The following SNED1 variants were observed in gnomAD, a reference collection of about 807,000 sequenced individuals.
SNED1 encodes sushi, nidogen and EGF like domains 1, also known as sushi, nidogen and EGF-like domain-containing protein 1.
SNED1 carries 81 observed loss-of-function variants against 166.7 expected under a neutral mutation model. The observed-to-expected ratio is 0.49, with a 90% CI of 0.41 to 0.58. The LOEUF is 0.58. Among genes scored for constraint, SNED1 ranks in the 20% least tolerant of loss-of-function variants. SNED1 has a pLI of 0.00. For synonymous variants in SNED1, 762 were observed against 822.0 expected (o/e 0.93, Z 1.25); for missense variants, 1,604 against 2,000.2 (o/e 0.80, Z 3.78).
At chr2:241,060,426 A>G (rs1449754856) in intron 16 of SNED1, among the ~76,000 whole-genome samples, 2 of 152,102 alleles carry the variant, frequency 1.3e-5, no homozygotes, top group Admixed American at 1.3e-4. Context: ...CTGGTGATCC[A>G]CCCGCCTTGG....
At chr2:241,061,890 G>T (rs1460754981) in intron 16 of SNED1, among the ~76,000 whole-genome samples, 2 of 151,548 alleles carry the variant, frequency 1.3e-5, no homozygotes, top group African/African-American at 4.8e-5. Flanking sequence ...ACAAAAAAAG[G>T]AAAAAGTCTA....
chr2:241,055,211 G>C (rs2062008319), intron 16 of SNED1, among the ~76,000 whole-genome samples: 1 of 152,172 alleles, frequency 6.6e-6, no homozygotes, highest in Non-Finnish European at 1.5e-5. Context: ...AAATGAAAAT[G>C]TAAAGGATAA....
At chr2:241,059,903 A>G (rs1166844622) in intron 16 of SNED1, among the ~76,000 whole-genome samples, 1 of 152,220 alleles carries the variant, frequency 6.6e-6, no homozygotes, top group African/African-American at 2.4e-5. Flanking sequence ...GGCCCTAGAC[A>G]GTGCCAGATG....
chr2:241,068,046 C>A lies in SNED1; in HGVS notation c.3194+99C>A. 9.0e-7 allele frequency: 1 copy of A among 1,113,150 alleles called. No individual in the cohort carries two copies. The highest frequency in any genetic ancestry group is 1.3e-6 in the Non-Finnish European group (1 of 792,274). 69.0% of individuals were successfully genotyped at this position (1,113,150 alleles called of 1,614,324 possible). A position where few individuals can be genotyped will look rare whatever the true frequency, so the allele number is the denominator to read the frequency against. Reference sequence around the variant, plus strand: ...CTCGGGCACATTCTCCGTGTGTGGACTGTACCACCTGCCGCTCCTCACCTG... The same window carrying A: ...CTCGGGCACATTCTCCGTGTGTGGAATGTACCACCTGCCGCTCCTCACCTG... On this transcript the variant is annotated intron_variant, in intron 22 of 31. Transcript: ENST00000310397. The surrounding 1 kb of genome is among the most constrained non-coding windows in gnomAD (Gnocchi z 5.3).
chr2:241,046,872 T>C (rs13412304), intron 8 of SNED1, among the ~76,000 whole-genome samples: 12,686 of 152,170 alleles, frequency 0.083, 1,279 homozygotes, highest in East Asian at 0.26. Flanking sequence ...GTAGCTGGCG[T>C]GGTGGCTCAC....
At chr2:241,060,807 T>G (rs903031022) in intron 16 of SNED1, among the ~76,000 whole-genome samples, 4 of 152,052 alleles carry the variant, frequency 2.6e-5, no homozygotes, top group Admixed American at 2.6e-4. Flanking sequence ...GGCATGCACC[T>G]GTAGTCCCAG....
chr2:241,019,260 T>C (rs1176049312), intron 1 of SNED1, among the ~76,000 whole-genome samples: 1 of 152,052 alleles, frequency 6.6e-6, no homozygotes, highest in African/African-American at 2.4e-5. Flanking sequence ...AGGAGGCTGA[T>C]CTAGAGCTTG....
At chr2:241,050,728 TC>T (rs1290369431) in intron 12 of SNED1, among the ~76,000 whole-genome samples, 3 of 152,094 alleles carry the variant, frequency 2.0e-5, no homozygotes, top group African/African-American at 7.2e-5. Flanking sequence ...CTCAACACAC[TC>T]CTAGGACCAC....
chr2:241,089,116 C>T (rs1272199587), intron 31 of SNED1: 10 of 542,266 alleles, frequency 1.8e-5, no homozygotes, highest in East Asian at 3.4e-5. Context: ...TGGCATTCTT[C>T]ACAATCGTTT....
intron 1 of SNED1, among the ~76,000 whole-genome samples, chr2:241,001,761 C>T (rs1337068755): frequency 6.6e-6 from 1 of 152,182 alleles, no homozygotes; most frequent in Non-Finnish European, 1.5e-5. Context: ...CAAGCACTGC[C>T]CCCATCCACA....
Position 241,018,006 on chromosome 2 carries a change from AC to A in SNED1, c.214-12273del, listed in dbSNP as rs368998490. Among the ~76,000 whole-genome samples the A allele has an allele frequency of 8.8e-3, 1,332 of 151,526 alleles. 20 individuals carry two copies. The highest frequency in any genetic ancestry group is 0.03 in the African/African-American group (1,250 of 41,268). ...GAATTGAAAGTCTCATGTCCCGGGG[AC>A]CCCCTCAGTTCCAGGCAAACCAAGG... is the stretch of plus-strand genomic sequence containing the variant. On this transcript the variant is annotated intron_variant, in intron 1 of 31. Transcript: ENST00000310397. The surrounding 1 kb of genome is among the most constrained non-coding windows in gnomAD (Gnocchi z 5.4).
At chr2:241,060,943 C>CA (rs962911960) in intron 16 of SNED1, among the ~76,000 whole-genome samples, 9 of 151,320 alleles carry the variant, frequency 5.9e-5, no homozygotes, top group Admixed American at 3.3e-4. Context: ...AAAAAACAAC[C>CA]AAAAAAAACT....
At chr2:241,065,651 G>A (rs552603596) in intron 21 of SNED1, 56 bp downstream of exon 21, 153 of 1,476,744 alleles carry the variant, frequency 1.0e-4, no homozygotes, top group Middle Eastern at 4.7e-4. Context: ...CGAGGGCAGC[G>A]CTGGCCCCGG....
At chr2:241,071,381 C>T (rs370985327) in intron 24 of SNED1, 195 bp from the exon 25 acceptor site, 28 of 627,896 alleles carry the variant, frequency 4.5e-5, no homozygotes, top group South Asian at 3.7e-5. Flanking sequence ...AGAAGGGATG[C>T]GGCGGGTGGG....
At chr2:241,025,775 C>T (rs537966759) in intron 1 of SNED1, among the ~76,000 whole-genome samples, 60 of 152,146 alleles carry the variant, frequency 3.9e-4, no homozygotes, top group African/African-American at 1.3e-3. Flanking sequence ...TCTTTTAGCA[C>T]GTTGAAAATA....
intron 31 of SNED1, chr2:241,090,473 G>A (rs1201468519): frequency 2.0e-6 from 3 of 1,518,346 alleles, no homozygotes; most frequent in South Asian, 1.2e-5. Flanking sequence ...GAAGAGTATA[G>A]TAAATACGTA....
At chr2:241,089,869 C>T (rs1331597377) in intron 31 of SNED1, 1 of 1,469,426 alleles carries the variant, frequency 6.8e-7, no homozygotes, top group Non-Finnish European at 9.0e-7. Context: ...CTACACACCA[C>T]AGCGTGTTAC....
intron 8 of SNED1, among the ~76,000 whole-genome samples, chr2:241,046,901 T>C (rs2061662643): frequency 6.6e-6 from 1 of 152,120 alleles, no homozygotes; most frequent in Non-Finnish European, 1.5e-5. Context: ...TCCCAGCACT[T>C]TGGGAGGCCA....
chr2:241,046,231 TA>T (rs1211949312), intron 8 of SNED1, among the ~76,000 whole-genome samples: 1 of 152,230 alleles, frequency 6.6e-6, no homozygotes, highest in Non-Finnish European at 1.5e-5. Flanking sequence ...TCAGCCACTC[TA>T]AAAACAGTTT....
Sources: allele counts gnomAD v4.1 joint callset (sites outside exome capture counted in the v4.1 genomes callset), GRCh38; gene constraint gnomAD v4.1.1; non-coding constraint Gnocchi (gnomAD v3.1); transcripts MANE v1.5; gene names NCBI Gene and HGNC (gene_info 2026-07-23, HGNC 2026-07-21).